The following SH3BGRL variants were observed in gnomAD, a reference collection of about 807,000 sequenced individuals.
SH3BGRL encodes adapter SH3BGRL.
SH3BGRL carries 7 observed loss-of-function variants against 9.8 expected under a neutral mutation model. The observed-to-expected ratio is 0.72, with a 90% CI of 0.41 to 1.35. The LOEUF (loss-of-function observed/expected upper bound fraction) is 1.35, where lower values mean the gene tolerates loss of function less well. Among genes scored for constraint, SH3BGRL ranks in the 40% most tolerant of loss-of-function variants. SH3BGRL has a pLI of 0.01. For missense variants in SH3BGRL, 73 were observed against 84.4 expected, an observed-to-expected ratio of 0.86 and a Z score of 0.53; for synonymous variants, 36 against 29.1, an observed-to-expected ratio of 1.24 and a Z score of -0.76.
At chrX:81,240,279 T>G (rs1354466274) in intron 1 of SH3BGRL, among the ~76,000 whole-genome samples, 1 of 112,178 alleles carries the variant, frequency 8.9e-6, no homozygotes, top group Admixed American at 9.4e-5. Flanking sequence ...AGCAGGTGGA[T>G]GGTGTTAAGG....
At chrX:81,213,856 C>T (rs966899973) in intron 1 of SH3BGRL, among the ~76,000 whole-genome samples, 88 of 112,076 alleles carry the variant, frequency 7.9e-4, no homozygotes, top group African/African-American at 2.7e-3. Flanking sequence ...TGGAGATTTG[C>T]AGCTGCTAGA....
intron 1 of SH3BGRL, among the ~76,000 whole-genome samples, chrX:81,264,503 C>T (rs1305795407): frequency 8.9e-6 from 1 of 111,798 alleles, no homozygotes; most frequent in East Asian, 2.8e-4. Context: ...CGATTTTATC[C>T]TGTGCATATC....
chrX:81,236,854 G>T (rs1203279146), intron 1 of SH3BGRL, among the ~76,000 whole-genome samples: 1 of 108,280 alleles, frequency 9.2e-6, no homozygotes, highest in Non-Finnish European at 1.9e-5. Context: ...AGTAAGTTTT[G>T]TTGTGTGTGT....
chrX:81,212,986 A>G (rs1256665028), intron 1 of SH3BGRL, among the ~76,000 whole-genome samples: 1 of 112,474 alleles, frequency 8.9e-6, no homozygotes, highest in Non-Finnish European at 1.9e-5. Context: ...AATGTGGTTG[A>G]GTAGGAAAGT....
intron 1 of SH3BGRL, among the ~76,000 whole-genome samples, chrX:81,271,832 A>G (rs1479150498): frequency 9.0e-6 from 1 of 111,090 alleles, no homozygotes; most frequent in Non-Finnish European, 1.9e-5. Context: ...ACTTTTGGAA[A>G]TATTGCAAAC....
chrX:81,241,264 C>T (rs760731899), intron 1 of SH3BGRL, among the ~76,000 whole-genome samples: 9 of 112,153 alleles, frequency 8.0e-5, no homozygotes, highest in Middle Eastern at 4.6e-3. Flanking sequence ...TTGCTTGGCA[C>T]GGGCCTGCAT....
chrX:81,248,702 G>T (rs2075698625), intron 1 of SH3BGRL, among the ~76,000 whole-genome samples: 1 of 112,013 alleles, frequency 8.9e-6, no homozygotes, highest in African/African-American at 3.2e-5. Context: ...ATTAAAAATG[G>T]CATCCTGCTC....
intron 1 of SH3BGRL, among the ~76,000 whole-genome samples, chrX:81,243,629 G>A (rs778366160): frequency 1.8e-3 from 201 of 110,645 alleles, no homozygotes; most frequent in Middle Eastern, 4.8e-3. Flanking sequence ...AATTCTGTAC[G>A]ATGTGCTTAT....
rs749514924 is a variant in SH3BGRL, at chrX:81,236,726, C to T, written c.45+34481C>T. Among the ~76,000 whole-genome samples, 11 of 112,029 alleles carry T rather than the reference C, an allele frequency of 9.8e-5. No individual in the cohort carries two copies. In the East Asian group the frequency reaches 3.1e-3, roughly 31 times the overall value. On this transcript the variant is annotated intron_variant, in intron 1 of 3. Coordinates refer to ENST00000373212, the MANE Select transcript of SH3BGRL (RefSeq NM_003022.3). ...AAAACTATGTAGTTTAGAGAATGCTCACTTTCTATAAAAAAGTGGCAGTGT... is the reference window on the plus strand; with the variant it reads ...AAAACTATGTAGTTTAGAGAATGCTTACTTTCTATAAAAAAGTGGCAGTGT...
chrX:81,211,312 C>G (rs893808847), intron 1 of SH3BGRL, among the ~76,000 whole-genome samples: 1 of 111,603 alleles, frequency 9.0e-6, no homozygotes, highest in Non-Finnish European at 1.9e-5. Context: ...AGGCCGGGCG[C>G]GGTGGCTCAC....
Position 81,295,578 on chromosome X carries a change from A to G in SH3BGRL, c.313-1617A>G, listed in dbSNP as rs765648139. ...AGCATGAAAACAGACTAATACAGCCACATTCAAAGCTGTCCTGGGCAGCAT... is the reference window on the plus strand; with the variant it reads ...AGCATGAAAACAGACTAATACAGCCGCATTCAAAGCTGTCCTGGGCAGCAT... On this transcript the variant is annotated intron_variant, in intron 3 of 3. Coordinates refer to ENST00000373212, the MANE Select transcript of SH3BGRL (RefSeq NM_003022.3). 5.4e-5 allele frequency among the ~76,000 whole-genome samples: 6 copies of G among 111,386 alleles called. No homozygotes were observed. In the East Asian group the frequency reaches 1.7e-3, roughly 32 times the overall value.
At chrX:81,225,723 A>G (rs975723475) in intron 1 of SH3BGRL, among the ~76,000 whole-genome samples, 25 of 111,284 alleles carry the variant, frequency 2.2e-4, no homozygotes, top group Admixed American at 2.2e-3. Context: ...GATCCAATTA[A>G]TTTTATATAA....
rs181809427 is a variant in SH3BGRL, at chrX:81,235,216, T to C, written c.45+32971T>C. Among the ~76,000 whole-genome samples, 165 of 110,111 alleles carry C rather than the reference T, an allele frequency of 1.5e-3. 2 individuals carry two copies. The highest frequency in any genetic ancestry group is 5.4e-3 in the African/African-American group (163 of 30,319). ...AAAATTTTGATAAATATTATTTTAA[T>C]GTTAGCAAAGAAAACATGCTTATGA... On this transcript the variant is annotated intron_variant, in intron 1 of 3. Coordinates refer to ENST00000373212, the MANE Select transcript of SH3BGRL (RefSeq NM_003022.3).
chrX:81,230,327 G>C (rs1489120507), intron 1 of SH3BGRL, among the ~76,000 whole-genome samples: 1 of 111,925 alleles, frequency 8.9e-6, no homozygotes, highest in Non-Finnish European at 1.9e-5. Flanking sequence ...AGACGTTAAA[G>C]AAGTAAATGC....
At chrX:81,295,702 T>A (rs905798971) in intron 3 of SH3BGRL, among the ~76,000 whole-genome samples, 1 of 111,819 alleles carries the variant, frequency 8.9e-6, no homozygotes, top group Admixed American at 9.5e-5. Context: ...GTGTCACCAG[T>A]CTCTTTGCTG....
intron 1 of SH3BGRL, among the ~76,000 whole-genome samples, chrX:81,237,965 A>T (rs920700993): frequency 3.7e-5 from 4 of 108,146 alleles, no homozygotes; most frequent in Non-Finnish European, 5.8e-5. Context: ...TAGCTCCCGG[A>T]TGACATTTCT....
intron 1 of SH3BGRL, among the ~76,000 whole-genome samples, chrX:81,269,601 G>C (rs935798960): frequency 9.0e-6 from 1 of 111,512 alleles, no homozygotes; most frequent in African/African-American, 3.3e-5. Flanking sequence ...TAGTCTGATG[G>C]GCTTCCCTTT....
At chrX:81,290,132 T>G (rs768876903) in intron 3 of SH3BGRL, among the ~76,000 whole-genome samples, 4 of 112,086 alleles carry the variant, frequency 3.6e-5, no homozygotes, top group Non-Finnish European at 5.6e-5. Context: ...TTGGTGGGAA[T>G]GTAAATTAAT....
At chrX:81,242,634 G>A (rs1011485399) in intron 1 of SH3BGRL, among the ~76,000 whole-genome samples, 7 of 111,556 alleles carry the variant, frequency 6.3e-5, no homozygotes, top group African/African-American at 2.3e-4. Context: ...TGAAGAGACA[G>A]CCCACAGAGT....
Sources: gnomAD v4.1 joint callset for allele counts (sites outside exome capture counted in the v4.1 genomes callset) on GRCh38, gnomAD v4.1.1 for gene constraint, MANE v1.5 for transcripts, NCBI Gene and HGNC (gene_info 2026-07-23, HGNC 2026-07-21) for gene names.